Variants in SYNPO2 observed in about 807,000 individuals in gnomAD.
SYNPO2 encodes synaptopodin 2.
SYNPO2 carries 56 observed loss-of-function variants against 85.0 expected under a neutral mutation model. The observed-to-expected ratio is 0.66, with a 90% CI of 0.53 to 0.82. The LOEUF (loss-of-function observed/expected upper bound fraction) is 0.82, where lower values mean the gene tolerates loss of function less well. SYNPO2 is among the 40% of genes least tolerant of loss of function. The probability of loss-of-function intolerance (pLI) is 0.00; values close to 1 mark genes in which losing one functional copy is unlikely to be tolerated. For synonymous variants in SYNPO2, 602 were observed against 591.1 expected (o/e 1.02, Z -0.27); for missense variants, 1,575 against 1,534.2 (o/e 1.03, Z -0.44).
chr4:119,033,676 T>C, intron 4 of SYNPO2: 1 of 985,422 alleles, frequency 1.0e-6, no homozygotes, highest in Non-Finnish European at 1.2e-6. Flanking sequence ...TTTTCTGCTG[T>C]CACTGTCAAT....
intron 1 of SYNPO2, among the ~76,000 whole-genome samples, chr4:118,974,626 T>C (rs1735654737): frequency 6.6e-6 from 1 of 152,244 alleles, no homozygotes. Context: ...ATACAATCAA[T>C]GTTAATACTG....
At chr4:119,043,021 T>A (rs1738762315) in intron 4 of SYNPO2, 2 of 151,414 alleles carry the variant, frequency 1.3e-5, no homozygotes, top group Non-Finnish European at 2.9e-5. Flanking sequence ...GGTCAATGAA[T>A]GACTGATCTG....
chr4:118,886,167 G>C (rs1463859327), upstream of SYNPO2, among the ~76,000 whole-genome samples: 2 of 152,150 alleles, frequency 1.3e-5, no homozygotes, highest in Non-Finnish European at 2.9e-5. Context: ...TGAGTGGATT[G>C]AGGAGCAGAA....
rs535180496 is a variant in SYNPO2, at chr4:118,976,007, C to G, written c.106-47423C>G. ...ATGGAGACTGCCATTTATTAATAGA[C>G]TCCCTGTCCCCTACCAGAGCTTTTG... On this transcript the variant is annotated intron_variant, in intron 1 of 4. Coordinates refer to ENST00000307142, the MANE Select transcript of SYNPO2 (RefSeq NM_133477.3). Among the ~76,000 whole-genome samples the G allele has an allele frequency of 3.9e-5, 6 of 152,358 alleles. No homozygotes were observed. In the South Asian group the frequency reaches 6.2e-4, roughly 16 times the overall value.
intron 1 of SYNPO2, among the ~76,000 whole-genome samples, chr4:118,939,090 T>C (rs1027617055): frequency 6.6e-6 from 1 of 152,174 alleles, no homozygotes; most frequent in Non-Finnish European, 1.5e-5. Context: ...TTATGTGAAA[T>C]GAGGCACCGA....
intron 1 of SYNPO2, among the ~76,000 whole-genome samples, chr4:118,900,096 G>A (rs951521218): frequency 6.6e-6 from 1 of 152,066 alleles, no homozygotes; most frequent in Non-Finnish European, 1.5e-5. Context: ...ATGAAATTGG[G>A]TTAGAAATTC....
intron 1 of SYNPO2, among the ~76,000 whole-genome samples, chr4:118,898,372 T>G (rs1306801669): frequency 1.3e-5 from 2 of 152,174 alleles, no homozygotes; most frequent in African/African-American, 4.8e-5. Context: ...ACTGGTCTCC[T>G]TGTTTCTGGT....
chr4:119,007,255 T>TATATATATATATATATATATGTATATAC (rs1560972329), intron 1 of SYNPO2, among the ~76,000 whole-genome samples: 1 of 43,720 alleles, frequency 2.3e-5, no homozygotes, highest in African/African-American at 8.4e-5. Flanking sequence ...TGTATATACA[T>TATATATATATATATATATATGTATATAC]ATATATATAT....
chr4:118,983,356 G>A lies in SYNPO2; in HGVS notation c.106-40074G>A, dbSNP rs62327841. Among the ~76,000 whole-genome samples the A allele has an allele frequency of 5.1e-3, 776 of 151,570 alleles. 7 individuals are homozygous for A. The highest frequency in any genetic ancestry group is 0.033 in the South Asian group (158 of 4,774). On this transcript the variant is annotated intron_variant, in intron 1 of 4. Coordinates refer to ENST00000307142, the MANE Select transcript of SYNPO2 (RefSeq NM_133477.3). Reference sequence around the variant, plus strand: ...ATTCACACTAGATTCCTTGAAACAGGTCTACACCAGACACCCCCATGCTCT... The same window carrying A: ...ATTCACACTAGATTCCTTGAAACAGATCTACACCAGACACCCCCATGCTCT...
intron 1 of SYNPO2, among the ~76,000 whole-genome samples, chr4:118,870,029 T>C (rs1731775080): frequency 6.6e-6 from 1 of 152,220 alleles, no homozygotes; most frequent in South Asian, 2.1e-4. Context: ...TTGACTTTCC[T>C]GATCTATTGG....
At chr4:118,927,776 T>TATAGATAGATA in intron 1 of SYNPO2, among the ~76,000 whole-genome samples, 1 of 102,570 alleles carries the variant, frequency 9.7e-6, no homozygotes, top group East Asian at 2.9e-4. Flanking sequence ...GATAGATAGA[T>TATAGATAGATA]GATAGATAGA....
At chr4:118,960,514 G>C in intron 1 of SYNPO2, among the ~76,000 whole-genome samples, 1 of 151,700 alleles carries the variant, frequency 6.6e-6, no homozygotes, top group Non-Finnish European at 1.5e-5. Flanking sequence ...TAATATATTA[G>C]GTAAATGTAT....
At chr4:118,956,335 G>A (rs1275323241) in intron 1 of SYNPO2, among the ~76,000 whole-genome samples, 3 of 152,122 alleles carry the variant, frequency 2.0e-5, no homozygotes, top group African/African-American at 4.8e-5. Context: ...AGCTTCATGG[G>A]TATTAATGAA....
chr4:118,988,631 T>C (rs1478737285), intron 1 of SYNPO2, among the ~76,000 whole-genome samples: 1 of 152,256 alleles, frequency 6.6e-6, no homozygotes, highest in African/African-American at 2.4e-5. Context: ...TGTGGGCTTT[T>C]ATTTTTATTA....
chr4:119,045,044 T>C (rs1207286915), intron 4 of SYNPO2, among the ~76,000 whole-genome samples: 12 of 152,246 alleles, frequency 7.9e-5, no homozygotes, highest in African/African-American at 2.9e-4. Flanking sequence ...TCAAGTTTGT[T>C]ACATGGTATG....
intron 1 of SYNPO2, among the ~76,000 whole-genome samples, chr4:118,862,879 C>T (rs569163599): frequency 6.6e-6 from 1 of 151,814 alleles, no homozygotes; most frequent in African/African-American, 2.4e-5. Flanking sequence ...GGCATGATCT[C>T]GGCTTACTGC....
At chr4:119,023,053 G>A (rs1281149344) in intron 1 of SYNPO2, among the ~76,000 whole-genome samples, 2 of 152,162 alleles carry the variant, frequency 1.3e-5, no homozygotes, top group African/African-American at 4.8e-5. Context: ...TGGGATTACA[G>A]GCATAAGCCA....
intron 1 of SYNPO2, among the ~76,000 whole-genome samples, chr4:118,893,865 C>A (rs1286570374): frequency 6.6e-6 from 1 of 151,846 alleles, no homozygotes; most frequent in African/African-American, 2.4e-5. Flanking sequence ...TTTAAATGTT[C>A]TCGTCACAAA....
intron 1 of SYNPO2, among the ~76,000 whole-genome samples, chr4:118,878,869 C>G (rs575640090): frequency 2.0e-5 from 3 of 152,176 alleles, no homozygotes; most frequent in East Asian, 1.9e-4. Context: ...CACTCAGGTC[C>G]TTTTCTGTCT....
Sources: allele counts gnomAD v4.1 joint callset (sites outside exome capture counted in the v4.1 genomes callset), GRCh38; gene constraint gnomAD v4.1.1; transcripts MANE v1.5; gene names NCBI Gene and HGNC (gene_info 2026-07-23, HGNC 2026-07-21).